TBC1D4: variants seen among roughly 807,000 people sequenced by gnomAD.
TBC1D4 encodes TBC1 domain family member 4.
A neutral mutation model predicts 142.5 loss-of-function variants in TBC1D4; 121 were observed. The ratio of observed to expected loss-of-function variants is 0.85; its 90% CI spans 0.73 to 0.99. The LOEUF is 0.99. Among genes scored for constraint, TBC1D4 ranks in the 50% least tolerant of loss-of-function variants. TBC1D4 has a pLI of 0.00. For synonymous variants in TBC1D4, 630 were observed against 628.2 expected (o/e 1.00, Z -0.04); for missense variants, 1,475 against 1,606.6 (o/e 0.92, Z 1.40).
At chr13:75,319,786 A>C (rs1248564638) in intron 12 of TBC1D4, among the ~76,000 whole-genome samples, 1 of 152,208 alleles carries the variant, frequency 6.6e-6, no homozygotes, top group Non-Finnish European at 1.5e-5. Flanking sequence ...TTCAGCATGG[A>C]ATAGAGTAGA....
chr13:75,448,634 G>A (rs774520055), intron 1 of TBC1D4, among the ~76,000 whole-genome samples: 10 of 151,274 alleles, frequency 6.6e-5, no homozygotes, highest in Non-Finnish European at 1.3e-4. Context: ...TTTATGCTCT[G>A]TAGTGAACAT....
intron 5 of TBC1D4, among the ~76,000 whole-genome samples, chr13:75,345,742 A>C (rs2138098066): frequency 1.3e-5 from 2 of 152,006 alleles, no homozygotes; most frequent in East Asian, 1.9e-4. Context: ...AAATACAAAA[A>C]AAAAAAAAAG....
intron 1 of TBC1D4, among the ~76,000 whole-genome samples, chr13:75,463,853 C>T (rs772953680): frequency 1.1e-4 from 16 of 152,170 alleles, no homozygotes; most frequent in Non-Finnish European, 2.2e-4. Flanking sequence ...GGTCCCAAAT[C>T]TACCCATTAG....
intron 1 of TBC1D4, among the ~76,000 whole-genome samples, chr13:75,462,755 T>G (rs968201405): frequency 2.0e-5 from 3 of 152,014 alleles, no homozygotes; most frequent in African/African-American, 7.2e-5. Flanking sequence ...ATCACCTCAT[T>G]ATTTGGGGAC....
rs1308345382 is a variant in TBC1D4 at position 75,289,483 on chromosome 13, AAAC to A, written c.3487-376_3487-374del. On this transcript the variant is annotated intron_variant, in intron 19 of 20. Transcript: ENST00000377636. ...TCTCCCAAAATGTAGTATACTAGAT[AAAC>A]AACATTAGTTATTGAGTAATTATTA... Among the ~76,000 whole-genome samples the A allele has an allele frequency of 6.6e-5, 10 of 152,194 alleles. No individual in the cohort carries two copies. The East Asian group carries it at 1.2e-3, about 18-fold the overall frequency.
At chr13:75,388,794 G>A (rs1270587186) in intron 1 of TBC1D4, among the ~76,000 whole-genome samples, 2 of 152,114 alleles carry the variant, frequency 1.3e-5, no homozygotes, top group East Asian at 1.9e-4. Flanking sequence ...TCTTCCACAT[G>A]TCCACAGTAA....
chr13:75,421,944 T>C (rs1402690764), intron 1 of TBC1D4, among the ~76,000 whole-genome samples: 1 of 152,214 alleles, frequency 6.6e-6, no homozygotes, highest in East Asian at 1.9e-4. Context: ...TGCACTCAAA[T>C]GCACATTTCG....
rs752112147 is a variant in TBC1D4 at position 75,336,959 on chromosome 13, T to C, written c.1693A>G (p.Arg565Gly). 3 of 1,613,692 alleles carry C rather than the reference T, an allele frequency of 1.9e-6. No individual in the cohort carries two copies. Among genetic ancestry groups the C allele is most frequent in the Non-Finnish European group, 2.5e-6 (3 of 1,179,762 alleles). ...KLDILKNKAK[R>G]SLTSSLENIF... ...TTTTCCAGGGAGCTAGTTAAGGATC[T>C]CTTAGCTTTATTTTTCAGAATGTCA... is the stretch of plus-strand genomic sequence containing the variant. Residue 565 changes from arginine to glycine, a missense_variant, in exon 8 of 21, where the codon AGA (arginine) becomes GGA (glycine). By Grantham distance (125) the Arg-to-Gly change is moderately radical (BLOSUM62 -2). This residue lies in a region of TBC1D4 where 1,227 missense variants were observed against 1,267.7 expected (regional missense o/e 0.97). Transcript: ENST00000377636.
chr13:75,292,363 T>C lies in TBC1D4; in HGVS notation c.3317-92A>G, dbSNP rs1405082011. 5 of 1,125,348 alleles carry C rather than the reference T, an allele frequency of 4.4e-6. No individual in the cohort carries two copies. In the East Asian group the frequency reaches 1.3e-4, roughly 29 times the overall value. 69.7% of individuals were successfully genotyped at this position (1,125,348 alleles called of 1,614,324 possible). On this transcript the variant is annotated intron_variant, in intron 18 of 20. Transcript: ENST00000377636. ...TGTGCTAAAGGTTTTTGTTTACTTG[T>C]TTTATGTATTTTGCAGAAGAAAACT...
chr13:75,390,110 T>C (rs1018575674), intron 1 of TBC1D4, among the ~76,000 whole-genome samples: 1 of 151,638 alleles, frequency 6.6e-6, no homozygotes, highest in East Asian at 1.9e-4. Flanking sequence ...ACCTCGTCTC[T>C]ACTAAAAATA....
At chr13:75,378,283 T>C (rs1172548403) in intron 1 of TBC1D4, among the ~76,000 whole-genome samples, 1 of 152,184 alleles carries the variant, frequency 6.6e-6, no homozygotes, top group Non-Finnish European at 1.5e-5. Context: ...TTTTGGAATG[T>C]TTTGTTTTAA....
At chr13:75,371,882 T>TAA (rs1484254367) in intron 1 of TBC1D4, among the ~76,000 whole-genome samples, 17 of 152,324 alleles carry the variant, frequency 1.1e-4, no homozygotes, top group African/African-American at 3.8e-4. Context: ...AAAAATACTC[T>TAA]ATTGTGTACC....
At chr13:75,449,301 T>TAC (rs964112129) in intron 1 of TBC1D4, among the ~76,000 whole-genome samples, 10 of 151,616 alleles carry the variant, frequency 6.6e-5, no homozygotes, top group African/African-American at 2.2e-4. Context: ...TATGTGTGTA[T>TAC]ACACACACAC....
intron 12 of TBC1D4, among the ~76,000 whole-genome samples, chr13:75,314,516 AAAAAGACTTCTGAGCTGC>A (rs1462081052): frequency 2.6e-5 from 4 of 152,236 alleles, no homozygotes; most frequent in Admixed American, 2.6e-4. Flanking sequence ...TAAAGTTAAA[AAAAAGACTTCTGAGCTGC>A]TATGCAGAGA....
chr13:75,349,813 G>A (rs976924034), intron 4 of TBC1D4, among the ~76,000 whole-genome samples: 4 of 152,124 alleles, frequency 2.6e-5, no homozygotes, highest in Non-Finnish European at 5.9e-5. Flanking sequence ...AACAATGGTG[G>A]GGAAAGTCTG....
chr13:75,284,389 T>A lies in TBC1D4; in HGVS notation c.*2403A>T, dbSNP rs956392689. ...ACTAGACGATCCCATCTGGGGATGA[T>A]GGGAGACAGTGACAGATCATCAGGC... is the stretch of plus-strand genomic sequence containing the variant. On this transcript the variant is annotated 3_prime_UTR_variant, in exon 21 of 21. Transcript: ENST00000377636. Among the ~76,000 whole-genome samples the A allele has an allele frequency of 1.3e-5, 2 of 152,200 alleles. No homozygotes were observed. Among genetic ancestry groups the A allele is most frequent in the African/African-American group, 4.8e-5 (2 of 41,458 alleles).
chr13:75,312,807 A>C lies in TBC1D4; in HGVS notation c.2314T>G (p.Trp772Gly). ...ACCCTGAGGAAAATGCGCTGCCGCC[A>C]GGAGATCCGGCGAGGAGTGACAGAG... The part of the protein sequence containing the change: ...GTSVTPRRIS[W>G]RQRIFLRVAS... The change falls in exon 13 of 21, where the codon TGG (tryptophan) becomes GGG (glycine). Residue 772 changes from tryptophan to glycine, a missense_variant. Transcript: ENST00000377636. The C allele has an allele frequency of 6.2e-7, 1 of 1,614,230 alleles. No homozygotes were observed. Among genetic ancestry groups the C allele is most frequent in the Non-Finnish European group, 8.5e-7 (1 of 1,180,036 alleles).
chr13:75,476,191 C>T (rs986248587), intron 1 of TBC1D4, among the ~76,000 whole-genome samples: 1 of 152,022 alleles, frequency 6.6e-6, no homozygotes, highest in Non-Finnish European at 1.5e-5. Context: ...TGCAGTGAGC[C>T]GAGATCGCGC....
chr13:75,296,972 C>A (rs1011351518), intron 17 of TBC1D4, among the ~76,000 whole-genome samples: 1 of 152,002 alleles, frequency 6.6e-6, no homozygotes, highest in African/African-American at 2.4e-5. Context: ...AGTCCAAACC[C>A]ACTGCAAGAG....
Sources: allele counts gnomAD v4.1 joint callset (sites outside exome capture counted in the v4.1 genomes callset), GRCh38; gene constraint gnomAD v4.1.1; regional missense constraint gnomAD v4.1.1; transcripts MANE v1.5; gene names NCBI Gene and HGNC (gene_info 2026-07-23, HGNC 2026-07-21).